SPECC1: variants seen among roughly 807,000 people sequenced by gnomAD.
The protein encoded by SPECC1 is sperm antigen with calponin homology and coiled-coil domains 1, also known as cytospin-B.
In SPECC1, 62 loss-of-function variants were observed where a neutral mutation model predicts 104.1. That is an observed-to-expected ratio of 0.60 (90% CI 0.49 to 0.74). SPECC1 has a LOEUF of 0.74. Ranked by LOEUF, SPECC1 falls within the 30% of genes least tolerant of loss-of-function variation. The pLI, the probability that SPECC1 is intolerant of heterozygous loss-of-function variation, is 0.00. For synonymous variants in SPECC1, 513 were observed against 501.6 expected (o/e 1.02, Z -0.30); for missense variants, 1,306 against 1,310.5 (o/e 1.00, Z 0.05).
At chr17:20,048,212 C>T (rs2045612164) in intron 1 of SPECC1, among the ~76,000 whole-genome samples, 1 of 151,178 alleles carries the variant, frequency 6.6e-6, no homozygotes, top group African/African-American at 2.4e-5. Context: ...CGGCTCACTG[C>T]AAGCTCCGCT....
intron 1 of SPECC1, among the ~76,000 whole-genome samples, chr17:20,048,587 G>A (rs1159371485): frequency 6.6e-6 from 1 of 152,056 alleles, no homozygotes; most frequent in Non-Finnish European, 1.5e-5. Context: ...TTAATAGAAG[G>A]GGAGAGTAGA....
At chr17:20,156,462 G>C (rs1312461064) in intron 3 of SPECC1, among the ~76,000 whole-genome samples, 1 of 152,148 alleles carries the variant, frequency 6.6e-6, no homozygotes. Flanking sequence ...CCTGGGCGCC[G>C]GGGCCGCCGG....
intron 3 of SPECC1, among the ~76,000 whole-genome samples, chr17:20,125,575 T>A (rs2049259855): frequency 6.6e-6 from 1 of 152,192 alleles, no homozygotes; most frequent in Non-Finnish European, 1.5e-5. Context: ...CAACTTTCTG[T>A]TTCTGTGAGT....
chr17:20,026,419 C>T (rs2044602564), intron 1 of SPECC1, among the ~76,000 whole-genome samples: 1 of 152,076 alleles, frequency 6.6e-6, no homozygotes, highest in Non-Finnish European at 1.5e-5. Context: ...AACACTAAAA[C>T]TTATTCTTCT....
chr17:20,161,321 A>G (rs1256046752), intron 3 of SPECC1, among the ~76,000 whole-genome samples: 1 of 152,218 alleles, frequency 6.6e-6, no homozygotes, highest in Non-Finnish European at 1.5e-5. Flanking sequence ...ATGAGGATGT[A>G]GTGCCCCTAA....
intron 1 of SPECC1, among the ~76,000 whole-genome samples, chr17:20,038,412 T>G (rs2045184085): frequency 6.8e-6 from 1 of 146,540 alleles, no homozygotes; most frequent in African/African-American, 2.5e-5. Flanking sequence ...TCTTTTTTTT[T>G]TTTTTTTTTT....
At chr17:20,072,504 A>G (rs1038023859) in intron 1 of SPECC1, among the ~76,000 whole-genome samples, 10 of 152,178 alleles carry the variant, frequency 6.6e-5, no homozygotes, top group African/African-American at 1.9e-4. Flanking sequence ...GGTTCAGTGC[A>G]TTGTGCCTGT....
At chr17:20,124,763 C>G (rs956189473) in intron 3 of SPECC1, among the ~76,000 whole-genome samples, 2 of 152,160 alleles carry the variant, frequency 1.3e-5, no homozygotes, top group African/African-American at 4.8e-5. Flanking sequence ...TCAGAACACT[C>G]ATATGAGCCT....
intron 2 of SPECC1, among the ~76,000 whole-genome samples, chr17:20,109,376 G>A (rs779776534): frequency 7.2e-5 from 11 of 152,168 alleles, no homozygotes; most frequent in African/African-American, 1.2e-4. Flanking sequence ...CAGTCTTCCG[G>A]CACTGTTCCT....
chr17:20,247,205 T>C lies in SPECC1; in HGVS notation c.2498-14T>C. 1 of 1,598,840 alleles carries C rather than the reference T, an allele frequency of 6.3e-7. No homozygotes were observed. The highest frequency in any genetic ancestry group is 8.5e-7 in the Non-Finnish European group (1 of 1,170,368). ...GGAACAACATATAAATGTTCCCATG[T>C]TTTTTCTTGGCAGGTGGAGCTGGAC... is the stretch of plus-strand genomic sequence containing the variant. On this transcript the variant is annotated splice_polypyrimidine_tract_variant and intron_variant, in intron 8 of 14. Transcript: ENST00000395527.
intron 3 of SPECC1, among the ~76,000 whole-genome samples, chr17:20,189,983 T>A (rs889091672): frequency 6.6e-6 from 1 of 152,224 alleles, no homozygotes; most frequent in African/African-American, 2.4e-5. Flanking sequence ...GACTCTTTTG[T>A]GTTTTTTTCC....
At chr17:20,217,511 C>T (rs986617481) in intron 4 of SPECC1, among the ~76,000 whole-genome samples, 5 of 152,042 alleles carry the variant, frequency 3.3e-5, no homozygotes, top group Admixed American at 3.3e-4. Context: ...TCTAGGCTGC[C>T]TCGTTACATC....
chr17:20,141,995 C>G (rs1292195163), intron 3 of SPECC1, among the ~76,000 whole-genome samples: 1 of 152,124 alleles, frequency 6.6e-6, no homozygotes, highest in African/African-American at 2.4e-5. Context: ...GCTTTTTCCC[C>G]TCTTTCAGAA....
intron 12 of SPECC1, among the ~76,000 whole-genome samples, chr17:20,273,211 C>T (rs2040465582): frequency 6.6e-6 from 1 of 152,142 alleles, no homozygotes; most frequent in Non-Finnish European, 1.5e-5. Flanking sequence ...GGGCCAGGCA[C>T]AGTGGCTCAC....
At chr17:20,175,600 A>G (rs1455579827) in intron 3 of SPECC1, among the ~76,000 whole-genome samples, 7 of 152,234 alleles carry the variant, frequency 4.6e-5, no homozygotes, top group East Asian at 3.8e-4. Flanking sequence ...AGTGACAGCA[A>G]TCTTTTCTGA....
intron 3 of SPECC1, among the ~76,000 whole-genome samples, chr17:20,156,543 T>C (rs1034263568): frequency 5.9e-5 from 9 of 152,254 alleles, no homozygotes; most frequent in African/African-American, 1.7e-4. Flanking sequence ...CCAGGTCTCC[T>C]GAGCGCGCAG....
rs184021902 is a variant in SPECC1, at chr17:20,069,960, G to A, written c.-21-26671G>A. Among the ~76,000 whole-genome samples the A allele has an allele frequency of 9.2e-5, 14 of 152,146 alleles. No individual in the cohort carries two copies. In the East Asian group the frequency reaches 2.7e-3, roughly 29 times the overall value. ...ATACAATTGATTTTTGTAAGATCTT[G>A]TATTCTGCAGCCTTCCTGAACTCCT... On this transcript the variant is annotated intron_variant, in intron 1 of 14. Coordinates refer to ENST00000395527, the MANE Select transcript of SPECC1 (RefSeq NM_001243439.2).
At chr17:20,133,662 A>T (rs899734330) in intron 3 of SPECC1, among the ~76,000 whole-genome samples, 1 of 152,218 alleles carries the variant, frequency 6.6e-6, no homozygotes, top group African/African-American at 2.4e-5. Flanking sequence ...GCAGGGATTC[A>T]TGAATATTCC....
rs568939771 is a variant in SPECC1 at position 20,059,087 on chromosome 17, G to T, written c.-21-37544G>T. ...GATCTCCTGACCTCGTGATCCGCCT[G>T]CCTTGGCCTCCCGAAGTGCTGGGAT... On this transcript the variant is annotated intron_variant, in intron 1 of 14. Coordinates refer to ENST00000395527, the MANE Select transcript of SPECC1 (RefSeq NM_001243439.2). 9.2e-5 allele frequency among the ~76,000 whole-genome samples: 14 copies of T among 151,952 alleles called. No individual in the cohort carries two copies. The South Asian group carries it at 2.9e-3, about 32-fold the overall frequency.
Sources: allele counts gnomAD v4.1 joint callset (sites outside exome capture counted in the v4.1 genomes callset), GRCh38; gene constraint gnomAD v4.1.1; transcripts MANE v1.5; gene names NCBI Gene and HGNC (gene_info 2026-07-23, HGNC 2026-07-21).